PPFIA2: variants seen among roughly 807,000 people sequenced by gnomAD.
PPFIA2 encodes the protein PPFI scaffold protein A2.
In PPFIA2, 46 loss-of-function variants were observed where a neutral mutation model predicts 175.5. The observed-to-expected ratio is 0.26, with a 90% CI of 0.21 to 0.34. The LOEUF (loss-of-function observed/expected upper bound fraction) is 0.34, where lower values mean the gene tolerates loss of function less well. PPFIA2 is among the 10% of genes least tolerant of loss of function. PPFIA2 has a pLI of 1.00. For missense variants in PPFIA2, 1,179 were observed against 1,506.1 expected, an observed-to-expected ratio of 0.78 and a Z score of 3.60; for synonymous variants, 568 against 511.4, an observed-to-expected ratio of 1.11 and a Z score of -1.49.
chr12:81,350,981 CAGA>C (rs1302418725), intron 17 of PPFIA2, among the ~76,000 whole-genome samples: 1 of 152,094 alleles, frequency 6.6e-6, no homozygotes, highest in African/African-American at 2.4e-5. Context: ...TGTTGATATT[CAGA>C]AGAACACAAA....
chr12:81,513,961 C>T (rs1027158451), intron 4 of PPFIA2, among the ~76,000 whole-genome samples: 1 of 151,942 alleles, frequency 6.6e-6, no homozygotes, highest in Non-Finnish European at 1.5e-5. Flanking sequence ...CAAAAATGAA[C>T]AAGCAAAGAA....
chr12:81,471,690 T>C (rs930305154), intron 4 of PPFIA2, among the ~76,000 whole-genome samples: 1 of 152,134 alleles, frequency 6.6e-6, no homozygotes, highest in African/African-American at 2.4e-5. Flanking sequence ...CATATGCTCA[T>C]CTTATTTTTA....
At chr12:81,568,856 A>T (rs2071903340) in intron 4 of PPFIA2, among the ~76,000 whole-genome samples, 1 of 152,216 alleles carries the variant, frequency 6.6e-6, no homozygotes, top group Non-Finnish European at 1.5e-5. Context: ...ACTACATGGT[A>T]TAATGGGGAA....
At chr12:81,306,548 T>G (rs1007298120) in intron 22 of PPFIA2, among the ~76,000 whole-genome samples, 6 of 149,502 alleles carry the variant, frequency 4.0e-5, no homozygotes, top group African/African-American at 9.8e-5. Context: ...GTTGTTTTTT[T>G]TTTTTTTTTT....
intron 3 of PPFIA2, among the ~76,000 whole-genome samples, chr12:81,722,461 T>A (rs1159593406): frequency 1.3e-5 from 2 of 151,144 alleles, no homozygotes; most frequent in Non-Finnish European, 3.0e-5. Context: ...GACATTGACC[T>A]TTATTAAAAT....
chr12:81,457,503 A>C (rs1228974959), intron 5 of PPFIA2, among the ~76,000 whole-genome samples: 1 of 152,138 alleles, frequency 6.6e-6, no homozygotes, highest in Non-Finnish European at 1.5e-5. Flanking sequence ...TTTTAAAGCC[A>C]AATAAAGTAA....
chr12:81,461,191 T>C (rs1240595673), intron 4 of PPFIA2, among the ~76,000 whole-genome samples: 1 of 152,080 alleles, frequency 6.6e-6, no homozygotes, highest in Non-Finnish European at 1.5e-5. Context: ...AGTTGGCACT[T>C]TGTTTTGCCA....
intron 4 of PPFIA2, among the ~76,000 whole-genome samples, chr12:81,491,275 C>T (rs568639487): frequency 6.6e-6 from 1 of 151,366 alleles, no homozygotes; most frequent in Non-Finnish European, 1.5e-5. Flanking sequence ...TACTTTCAAA[C>T]CTTCTTATAT....
intron 4 of PPFIA2, among the ~76,000 whole-genome samples, chr12:81,510,321 C>T (rs1157834555): frequency 6.6e-6 from 1 of 152,052 alleles, no homozygotes; most frequent in Non-Finnish European, 1.5e-5. Flanking sequence ...GTAATTTGAA[C>T]TTTACCAAAC....
intron 4 of PPFIA2, among the ~76,000 whole-genome samples, chr12:81,498,245 A>G (rs796330197): frequency 2.5e-4 from 38 of 152,338 alleles, no homozygotes; most frequent in African/African-American, 8.9e-4. Context: ...ACATCTATCA[A>G]ATAAATTAAA....
At chr12:81,503,695 A>G (rs760079388) in intron 4 of PPFIA2, among the ~76,000 whole-genome samples, 9 of 152,122 alleles carry the variant, frequency 5.9e-5, no homozygotes, top group Non-Finnish European at 1.0e-4. Flanking sequence ...CTGGTCCCTA[A>G]TAAGTTGAGC....
At chr12:81,276,453 CATG>C in intron 28 of PPFIA2, among the ~76,000 whole-genome samples, 1 of 152,090 alleles carries the variant, frequency 6.6e-6, no homozygotes, top group South Asian at 2.1e-4. Context: ...TTTTTCCAAT[CATG>C]TATTTTTTTC....
chr12:81,363,343 G>C (rs2031760136), intron 14 of PPFIA2, among the ~76,000 whole-genome samples: 1 of 151,188 alleles, frequency 6.6e-6, no homozygotes, highest in Non-Finnish European at 1.5e-5. Flanking sequence ...ACTGAGGCTG[G>C]AGTGCACCTT....
At chr12:81,597,162 T>C (rs572246957) in intron 4 of PPFIA2, among the ~76,000 whole-genome samples, 38 of 152,186 alleles carry the variant, frequency 2.5e-4, no homozygotes, top group African/African-American at 8.9e-4. Flanking sequence ...TCCTTTTTCA[T>C]GTAACGATGA....
At chr12:81,368,130 C>A in intron 13 of PPFIA2, 1 of 1,288,180 alleles carries the variant, frequency 7.8e-7, no homozygotes, top group Non-Finnish European at 1.0e-6. Context: ...AATTGGTAAC[C>A]AGCTCTCATA....
At chr12:81,382,119 A>G (rs2037857575) in intron 9 of PPFIA2, among the ~76,000 whole-genome samples, 1 of 152,112 alleles carries the variant, frequency 6.6e-6, no homozygotes, top group African/African-American at 2.4e-5. Flanking sequence ...GAGAGTGTAT[A>G]TGTGTAAATA....
chr12:81,353,364 G>A, intron 16 of PPFIA2, 25 bp from the exon 17 acceptor site: 1 of 1,502,700 alleles, frequency 6.7e-7, no homozygotes, highest in Non-Finnish European at 9.3e-7. Flanking sequence ...AAAAAATGCA[G>A]AATATTTATC....
chr12:81,294,722 A>G, intron 24 of PPFIA2, 113 bp downstream of exon 24: 1 of 985,596 alleles, frequency 1.0e-6, no homozygotes. Flanking sequence ...TAATCTCTTG[A>G]GAATAATTCA....
At chr12:81,266,516 AG>A (rs1379822537) in intron 30 of PPFIA2, among the ~76,000 whole-genome samples, 1 of 152,220 alleles carries the variant, frequency 6.6e-6, no homozygotes, top group African/African-American at 2.4e-5. Flanking sequence ...AATAATAAAA[AG>A]CTTTCCATTT....
Sources: allele counts gnomAD v4.1 joint callset (sites outside exome capture counted in the v4.1 genomes callset), GRCh38; gene constraint gnomAD v4.1.1; transcripts MANE v1.5; gene names NCBI Gene and HGNC (gene_info 2026-07-23, HGNC 2026-07-21).